The following GULP1 variants were observed in gnomAD, a reference collection of about 807,000 sequenced individuals.
GULP1 encodes PTB domain-containing engulfment adapter protein 1.
In GULP1, 19 loss-of-function variants were observed where a neutral mutation model predicts 40.9. That is an observed-to-expected ratio of 0.46 (90% CI 0.32 to 0.68). The LOEUF (loss-of-function observed/expected upper bound fraction) is 0.68, where lower values mean the gene tolerates loss of function less well. Among genes scored for constraint, GULP1 ranks in the 30% least tolerant of loss-of-function variants. GULP1 has a pLI of 0.03. For missense variants in GULP1, 312 were observed against 362.2 expected (o/e 0.86, Z 1.12); for synonymous variants, 119 against 117.6 (o/e 1.01, Z -0.08).
intron 1 of GULP1, among the ~76,000 whole-genome samples, chr2:188,307,990 C>T (rs1195125371): frequency 8.7e-6 from 1 of 114,882 alleles, no homozygotes; most frequent in Non-Finnish European, 1.9e-5. Context: ...AATTTTTCAC[C>T]AGTAGACAAG....
intron 2 of GULP1, among the ~76,000 whole-genome samples, chr2:188,420,776 C>G (rs2055289112): frequency 6.6e-6 from 1 of 152,000 alleles, no homozygotes; most frequent in South Asian, 2.1e-4. Flanking sequence ...GGTAAAAGGG[C>G]ATAATTCAGA....
At chr2:188,531,849 G>A (rs7580259) in intron 6 of GULP1, among the ~76,000 whole-genome samples, 148,459 of 152,298 alleles carry the variant, frequency 0.97, 72,487 homozygotes, top group East Asian at 1. Context: ...ATGAAAATAA[G>A]AATAATCCTA....
chr2:188,408,292 A>C (rs1272544016), intron 2 of GULP1, among the ~76,000 whole-genome samples: 1 of 152,162 alleles, frequency 6.6e-6, no homozygotes, highest in East Asian at 1.9e-4. Flanking sequence ...GAGTTAAATA[A>C]ACTTCTATTG....
At chr2:188,327,908 C>A (rs2040987327) in intron 1 of GULP1, among the ~76,000 whole-genome samples, 1 of 152,108 alleles carries the variant, frequency 6.6e-6, no homozygotes, top group Non-Finnish European at 1.5e-5. Context: ...GAAGTTATTT[C>A]TGCTGTTCTG....
At chr2:188,356,260 T>A (rs2045301655) in intron 1 of GULP1, among the ~76,000 whole-genome samples, 1 of 152,118 alleles carries the variant, frequency 6.6e-6, no homozygotes, top group Non-Finnish European at 1.5e-5. Flanking sequence ...TTCTGTTTGC[T>A]GATAACGTAT....
intron 3 of GULP1, 96 bp downstream of exon 3, chr2:188,477,826 C>A: frequency 1.1e-6 from 1 of 870,340 alleles, no homozygotes; most frequent in Non-Finnish European, 1.8e-6. Flanking sequence ...TGTTGTCAAA[C>A]CACCTGGCCC....
At chr2:188,338,497 G>A (rs13388723) in intron 1 of GULP1, among the ~76,000 whole-genome samples, 26,508 of 151,766 alleles carry the variant, frequency 0.17, 2,385 homozygotes, top group South Asian at 0.23. Context: ...TAGTGACGGG[G>A]TCTTGCTCTG....
intron 2 of GULP1, among the ~76,000 whole-genome samples, chr2:188,454,548 G>A (rs2059102299): frequency 6.6e-6 from 1 of 152,180 alleles, no homozygotes; most frequent in African/African-American, 2.4e-5. Flanking sequence ...TTGACTTGAA[G>A]GTGGGGTTTC....
intron 4 of GULP1, among the ~76,000 whole-genome samples, chr2:188,498,900 G>A (rs974533744): frequency 1.3e-5 from 2 of 151,380 alleles, no homozygotes; most frequent in Non-Finnish European, 3.0e-5. Context: ...ACAAGATCAG[G>A]TGAAATCTGG....
chr2:188,325,998 G>C (rs1284536311), intron 1 of GULP1, among the ~76,000 whole-genome samples: 2 of 152,064 alleles, frequency 1.3e-5, no homozygotes, highest in African/African-American at 4.8e-5. Context: ...TTAAAATATA[G>C]TTGCAGAAGA....
In GULP1 at chr2:188,529,207, T is replaced by C. The variant is rs751717235; in HGVS notation, c.261+12T>C. ...AACCCAAAACAAAGGTAAGGCTTTTTTTTTAATGTTAGAGGCAATCTTTAA... is the reference window on the plus strand; with the variant it reads ...AACCCAAAACAAAGGTAAGGCTTTTCTTTTAATGTTAGAGGCAATCTTTAA... On this transcript the variant is annotated intron_variant, in intron 6 of 11. Coordinates refer to ENST00000409830, the MANE Select transcript of GULP1 (RefSeq NM_016315.4). 2.5e-6 allele frequency: 3 copies of C among 1,222,910 alleles called. No individual in the cohort carries two copies. The South Asian group carries it at 3.9e-5, about 16-fold the overall frequency. 75.8% of individuals were successfully genotyped at this position (1,222,910 alleles called of 1,614,324 possible).
chr2:188,384,176 G>C (rs183694853), intron 2 of GULP1: 2 of 152,220 alleles, frequency 1.3e-5, no homozygotes, highest in African/African-American at 4.8e-5. Flanking sequence ...TCATGCAACT[G>C]ATAAAGACAT....
intron 7 of GULP1, 104 bp from the exon 8 acceptor site, chr2:188,569,135 T>C (rs1698477825): frequency 4.3e-6 from 3 of 689,662 alleles, no homozygotes. Flanking sequence ...GAAGTACCTC[T>C]TGTGAATGTC....
In GULP1 at chr2:188,318,229, C is replaced by A. The variant is rs558000556; in HGVS notation, c.-172+26063C>A. On this transcript the variant is annotated intron_variant, in intron 1 of 11. Transcript: ENST00000409830. ...ATTTTTTTGACTGTTGACTGACTAT[C>A]GCTATATATGTTATTTTAGTGAATC... Among the ~76,000 whole-genome samples, 264 of 152,100 alleles carry A rather than the reference C, an allele frequency of 1.7e-3. 5 individuals carry two copies. The highest frequency in any genetic ancestry group is 2.3e-3 in the Non-Finnish European group (154 of 67,998).
chr2:188,517,593 CT>C (rs1559334194), intron 4 of GULP1, among the ~76,000 whole-genome samples: 1 of 152,094 alleles, frequency 6.6e-6, no homozygotes, highest in Non-Finnish European at 1.5e-5. Context: ...TTAAGATCGA[CT>C]CACTCAAAAG....
intron 11 of GULP1, chr2:188,590,536 T>A (rs557374586): frequency 2.0e-5 from 3 of 152,302 alleles, no homozygotes; most frequent in Middle Eastern, 3.4e-3. Flanking sequence ...GACTAAGCTA[T>A]TTTTAAGAGA....
intron 1 of GULP1, among the ~76,000 whole-genome samples, chr2:188,372,960 A>G (rs762751954): frequency 8.0e-4 from 122 of 152,030 alleles, no homozygotes; most frequent in Non-Finnish European, 1.6e-3. Flanking sequence ...CTTCTATCCA[A>G]GAATAGGCTG....
At chr2:188,454,093 C>T (rs2059057858) in intron 2 of GULP1, among the ~76,000 whole-genome samples, 1 of 152,222 alleles carries the variant, frequency 6.6e-6, no homozygotes, top group Non-Finnish European at 1.5e-5. Context: ...ACCCTGCCCA[C>T]TCAGCCTGCC....
chr2:188,503,811 A>G (rs1467075440), intron 4 of GULP1, among the ~76,000 whole-genome samples: 1 of 151,926 alleles, frequency 6.6e-6, no homozygotes, highest in Non-Finnish European at 1.5e-5. Flanking sequence ...TGTTAATACC[A>G]TATGAATCCC....
Sources: allele counts gnomAD v4.1 joint callset (sites outside exome capture counted in the v4.1 genomes callset), GRCh38; gene constraint gnomAD v4.1.1; transcripts MANE v1.5; gene names NCBI Gene and HGNC (gene_info 2026-07-23, HGNC 2026-07-21).